Variants in SUCO observed in about 807,000 individuals in gnomAD.
SUCO encodes SUN domain containing ossification factor, also known as SUN domain-containing ossification factor.
In SUCO, 57 loss-of-function variants were observed where a neutral mutation model predicts 148.1. The observed-to-expected ratio is 0.38, with a 90% CI of 0.31 to 0.48. SUCO has a LOEUF of 0.48. Ranked by LOEUF, SUCO falls within the 20% of genes least tolerant of loss-of-function variation. The pLI is 0.96. For synonymous variants in SUCO, 470 were observed against 502.7 expected, an observed-to-expected ratio of 0.93 and a Z score of 0.87; for missense variants, 1,331 against 1,468.2, an observed-to-expected ratio of 0.91 and a Z score of 1.53.
In SUCO at chr1:172,549,827, T is replaced by C. The variant is rs368965432; in HGVS notation, c.63-1685T>C. On this transcript the variant is annotated intron_variant, in intron 1 of 23. Transcript: ENST00000263688. ...GCAGGATGCCTAGAAGTATTAAAGA[T>C]CGTAGGTTGCCACAACAAGAAAAAC... Among the ~76,000 whole-genome samples the C allele has an allele frequency of 5.4e-4, 82 of 150,760 alleles. 1 individual carries two copies. In the South Asian group the frequency reaches 0.017, roughly 31 times the overall value.
intron 15 of SUCO, chr1:172,584,493 C>T (rs539751745): frequency 3.9e-6 from 1 of 258,892 alleles, no homozygotes; most frequent in East Asian, 1.8e-4. Flanking sequence ...ATATTTAAGG[C>T]CAGGCGCGGT....
At position 172,571,001 on chromosome 1, in the gene SUCO, T is replaced by G. The variant is rs535094425; in HGVS notation, c.1049+271T>G. On this transcript the variant is annotated intron_variant, in intron 9 of 23. Transcript: ENST00000263688. ...TATTGAAAGAGTGATGATGCGTAACTGCAAGAGGAGATGAGAGAAGGCTTC... is the reference window on the plus strand; with the variant it reads ...TATTGAAAGAGTGATGATGCGTAACGGCAAGAGGAGATGAGAGAAGGCTTC... 8.5e-5 allele frequency among the ~76,000 whole-genome samples: 13 copies of G among 152,342 alleles called. 1 individual carries two copies. In the South Asian group the frequency reaches 2.7e-3, roughly 32 times the overall value.
chr1:172,591,122 C>A, intron 19 of SUCO, 51 bp downstream of exon 19: 1 of 1,373,480 alleles, frequency 7.3e-7, no homozygotes, highest in Non-Finnish European at 1.0e-6. Context: ...CCACTGAATT[C>A]TGTAGGGTCT....
chr1:172,574,272 T>G (rs889029355), intron 10 of SUCO, among the ~76,000 whole-genome samples: 2 of 152,082 alleles, frequency 1.3e-5, no homozygotes, highest in African/African-American at 4.8e-5. Context: ...CTTGCCCAGG[T>G]CACATGACTT....
Position 172,610,064 on chromosome 1 carries a change from A to G in SUCO, c.3570A>G (p.Gly1190=), listed in dbSNP as rs1658117423. The G allele has an allele frequency of 6.2e-7, 1 of 1,613,920 alleles. No individual in the cohort carries two copies. The highest frequency in any genetic ancestry group is 8.5e-7 in the Non-Finnish European group (1 of 1,179,868). Residue 1190 remains glycine, a synonymous_variant, in exon 24 of 24, where the codon GGA becomes GGG. Transcript: ENST00000263688. Reference sequence around the variant, plus strand: ...CAGCTTGCACAAGTCTGTGCAATGGACAGTCTCAAAAGACAAAAACTGAGA... The same window carrying G: ...CAGCTTGCACAAGTCTGTGCAATGGGCAGTCTCAAAAGACAAAAACTGAGA... The part of the protein sequence containing the change: ...GISACTSLCN[G]QSQKTKTEKR...
rs534086608 is a variant in SUCO, at chr1:172,610,111, G to T, written c.3617G>T (p.Arg1206Leu). The T allele has an allele frequency of 6.2e-7, 1 of 1,613,726 alleles. No individual in the cohort carries two copies. ...KTEKRALKRRRSKVQDQGKLI... is the reference protein window; with the variant it reads ...KTEKRALKRRLSKVQDQGKLI... The stretch of plus-strand genomic sequence containing the variant: ...GAGAAGAGGGCTTTAAAACGAAGAC[G>T]ATCTAAAGTCCAAGACCAAGGAAAA... Residue 1206 changes from arginine (R) to leucine (L), a missense_variant, in exon 24 of 24, where the codon CGA becomes CTA. Physicochemically the swap from Arg to Leu is moderately radical, Grantham distance 102. Coordinates refer to ENST00000263688, the MANE Select transcript of SUCO (RefSeq NM_014283.5).
intron 9 of SUCO, among the ~76,000 whole-genome samples, chr1:172,572,417 C>G (rs930633048): frequency 3.9e-5 from 6 of 151,900 alleles, no homozygotes; most frequent in African/African-American, 4.8e-5. Context: ...CCTGTGCTCC[C>G]TGAAACATGT....
At chr1:172,536,538 G>A (rs368616945) in intron 1 of SUCO, among the ~76,000 whole-genome samples, 2 of 152,106 alleles carry the variant, frequency 1.3e-5, no homozygotes, top group Admixed American at 6.5e-5. Context: ...TATGAGCACC[G>A]AAAATCCAAG....
At chr1:172,582,465 A>G (rs1264341714) in intron 15 of SUCO, among the ~76,000 whole-genome samples, 1 of 152,148 alleles carries the variant, frequency 6.6e-6, no homozygotes, top group Non-Finnish European at 1.5e-5. Flanking sequence ...CTTTAGGACC[A>G]AATATTAGGA....
intron 23 of SUCO, chr1:172,609,535 G>T: frequency 1.0e-6 from 1 of 976,700 alleles, no homozygotes; most frequent in African/African-American, 1.8e-5. Context: ...ATGCTCTCTG[G>T]CAGTTAGTAG....
At chr1:172,553,099 G>A (rs772142826) in intron 2 of SUCO, 161 bp from the exon 3 acceptor site, 2 of 417,648 alleles carry the variant, frequency 4.8e-6, no homozygotes, top group Non-Finnish European at 6.4e-6. Flanking sequence ...GGGATTCAAG[G>A]AAATAGACAA....
rs114005138 is a variant in SUCO at position 172,583,033 on chromosome 1, A to G, written c.1499-1985A>G. ...ATAAGATCTCACTTTGAAACAAAGT[A>G]TATAAACTGTTGATTGCACAATTTG... On this transcript the variant is annotated intron_variant, in intron 15 of 23. Coordinates refer to ENST00000263688, the MANE Select transcript of SUCO (RefSeq NM_014283.5). Among the ~76,000 whole-genome samples the G allele has an allele frequency of 7.3e-3, 1,106 of 152,324 alleles. 9 individuals carry two copies. Among genetic ancestry groups the G allele is most frequent in the African/African-American group, 0.025 (1,052 of 41,586 alleles).
intron 19 of SUCO, among the ~76,000 whole-genome samples, chr1:172,596,824 G>C (rs886340964): frequency 1.3e-5 from 2 of 152,198 alleles, no homozygotes; most frequent in Non-Finnish European, 2.9e-5. Flanking sequence ...CTGTCAGACG[G>C]GGACGTTTAA....
In SUCO at chr1:172,588,402, G is replaced by A. The variant is rs547286050; in HGVS notation, c.1659-358G>A. ...TTTCTGATGTGTAAGGGATAGTGAA[G>A]CTTGTAAAGATTCAGTGAATATTTA... On this transcript the variant is annotated intron_variant, in intron 17 of 23. Transcript: ENST00000263688. 21 of 984,146 alleles carry A rather than the reference G, an allele frequency of 2.1e-5. No individual in the cohort carries two copies. In the South Asian group the frequency reaches 7.5e-4, roughly 35 times the overall value. 61.0% of individuals were successfully genotyped at this position (984,146 alleles called of 1,614,324 possible).
upstream of SUCO, chr1:172,532,892 G>A: frequency 6.9e-7 from 1 of 1,451,552 alleles, no homozygotes; most frequent in Non-Finnish European, 9.2e-7. Flanking sequence ...GGGGCGGGCG[G>A]AGCGGCGAGA....
intron 4 of SUCO, among the ~76,000 whole-genome samples, chr1:172,556,411 C>T (rs913340587): frequency 1.3e-5 from 2 of 152,058 alleles, no homozygotes; most frequent in Non-Finnish European, 2.9e-5. Flanking sequence ...TTTATGTCTT[C>T]GTGTGAATCG....
intron 11 of SUCO, chr1:172,577,112 A>G (rs1207337714): frequency 2.1e-6 from 1 of 486,712 alleles, no homozygotes; most frequent in African/African-American, 2.1e-5. Context: ...ATATGTGTAG[A>G]ATATATATGT....
At chr1:172,560,788 C>CA (rs1441756223) in intron 6 of SUCO, among the ~76,000 whole-genome samples, 2 of 152,228 alleles carry the variant, frequency 1.3e-5, no homozygotes, top group East Asian at 1.9e-4. Context: ...AATTAAAAAA[C>CA]AAAAAACAGA....
Position 172,604,996 on chromosome 1 carries a change from C to G in SUCO, c.3265+2209C>G, listed in dbSNP as rs564123534. Among the ~76,000 whole-genome samples, 22 of 151,806 alleles carry G rather than the reference C, an allele frequency of 1.4e-4. No individual in the cohort carries two copies. In the South Asian group the frequency reaches 3.3e-3, roughly 23 times the overall value. On this transcript the variant is annotated intron_variant, in intron 22 of 23. Transcript: ENST00000263688. ...GCTGTTCAGGGGTATACAGATATCT[C>G]TTTGCTCATTTTTTAGTTGGATTGT...
Sources: gnomAD v4.1 joint callset for allele counts (sites outside exome capture counted in the v4.1 genomes callset) on GRCh38, gnomAD v4.1.1 for gene constraint, MANE v1.5 for transcripts, NCBI Gene and HGNC (gene_info 2026-07-23, HGNC 2026-07-21) for gene names.